CPED1: variants seen among roughly 807,000 people sequenced by gnomAD.
CPED1 encodes the protein cadherin like and PC-esterase domain containing 1.
Under a neutral mutation model 128.2 loss-of-function variants are expected in CPED1, and 114 were observed. The observed-to-expected ratio is 0.89, with a 90% CI of 0.76 to 1.04. The LOEUF (loss-of-function observed/expected upper bound fraction) is 1.04, where lower values mean the gene tolerates loss of function less well. Among genes scored for constraint, CPED1 ranks in the 50% least tolerant of loss-of-function variants. The pLI is 0.00. For missense variants in CPED1, 1,211 were observed against 1,207.1 expected, an observed-to-expected ratio of 1.00 and a Z score of -0.05; for synonymous variants, 462 against 426.7, an observed-to-expected ratio of 1.08 and a Z score of -1.02.
rs184165466 is a variant in CPED1 at position 121,013,399 on chromosome 7, A to G, written c.250-2266A>G. ...TCCCAAAGTAGCACATACAGAAGGT[A>G]TGATTAGCTACAGTTCTATTCTTTT... On this transcript the variant is annotated intron_variant, in intron 2 of 22. Transcript: ENST00000310396. 1.2e-4 allele frequency among the ~76,000 whole-genome samples: 18 copies of G among 152,344 alleles called. No individual in the cohort carries two copies. In the East Asian group the frequency reaches 3.1e-3, roughly 26 times the overall value.
intron 5 of CPED1, among the ~76,000 whole-genome samples, chr7:121,090,701 C>A (rs555206795): frequency 2.0e-5 from 3 of 152,286 alleles, no homozygotes; most frequent in Admixed American, 2.0e-4. Context: ...GTAATCCTAG[C>A]ACTTTGGGAG....
In CPED1 at chr7:121,295,931, C is replaced by T. The variant is rs1359157083; in HGVS notation, c.*279C>T. 9.8e-6 allele frequency: 3 copies of T among 306,204 alleles called. No individual in the cohort carries two copies. Among genetic ancestry groups the T allele is most frequent in the South Asian group, 5.8e-5 (1 of 17,378 alleles). The allele number at this position is 306,204 out of a possible 1,614,324, so 19.0% of individuals were successfully genotyped here. A position where few individuals can be genotyped will look rare whatever the true frequency, so the allele number is the denominator to read the frequency against. On this transcript the variant is annotated 3_prime_UTR_variant, in exon 23 of 23. Coordinates refer to ENST00000310396, the MANE Select transcript of CPED1 (RefSeq NM_024913.5). ...GAAGCATAATTATTAACCAGAACCA[C>T]TGTGGGCCAGGTATGGCATTGTGAT...
chr7:121,142,298 A>G (rs1795923911), intron 16 of CPED1, among the ~76,000 whole-genome samples, 157 bp downstream of exon 16: 1 of 152,070 alleles, frequency 6.6e-6, no homozygotes, highest in South Asian at 2.1e-4. Context: ...CAGGTATCTA[A>G]GTCACCTCGT....
intron 22 of CPED1, among the ~76,000 whole-genome samples, chr7:121,286,860 G>GACTCAT (rs2116782054): frequency 6.6e-6 from 1 of 152,248 alleles, no homozygotes; most frequent in East Asian, 1.9e-4. Context: ...ATTTATAAAG[G>GACTCAT]AAATAGGTTT....
intron 18 of CPED1, among the ~76,000 whole-genome samples, chr7:121,263,009 G>A (rs902129628): frequency 5.9e-5 from 9 of 152,000 alleles, no homozygotes; most frequent in Non-Finnish European, 1.2e-4. Context: ...GAATGGAAAG[G>A]CACTAGAATA....
chr7:121,063,462 C>G (rs949953449), intron 4 of CPED1, among the ~76,000 whole-genome samples: 4 of 147,788 alleles, frequency 2.7e-5, no homozygotes, highest in Non-Finnish European at 4.5e-5. Flanking sequence ...CCAGTTGCCT[C>G]TCTTCTCCAA....
At chr7:121,025,503 T>C (rs1328070440) in intron 3 of CPED1, among the ~76,000 whole-genome samples, 1 of 152,186 alleles carries the variant, frequency 6.6e-6, no homozygotes, top group East Asian at 1.9e-4. Context: ...AGGTAATTTC[T>C]CAGTTTCTTT....
At chr7:121,030,511 T>A (rs1437508417) in intron 3 of CPED1, among the ~76,000 whole-genome samples, 2 of 152,220 alleles carry the variant, frequency 1.3e-5, no homozygotes, top group African/African-American at 4.8e-5. Flanking sequence ...TTGTCTAACA[T>A]CTCCATGCTG....
rs370261243 is a variant in CPED1, at chr7:121,147,666, G to A, written c.2055+5525G>A. 1.8e-4 allele frequency among the ~76,000 whole-genome samples: 27 copies of A among 152,128 alleles called. 3 individuals are homozygous for A. The East Asian group carries it at 3.5e-3, about 20-fold the overall frequency. On this transcript the variant is annotated intron_variant, in intron 16 of 22. Coordinates refer to ENST00000310396, the MANE Select transcript of CPED1 (RefSeq NM_024913.5). ...ATCATATACATTTTGCCCTCAAAAT[G>A]TTGCACCAGAATAGGGTCATAAATA... is the stretch of plus-strand genomic sequence containing the variant.
At chr7:121,243,639 C>A (rs1474817995) in intron 17 of CPED1, among the ~76,000 whole-genome samples, 2 of 152,084 alleles carry the variant, frequency 1.3e-5, no homozygotes, top group African/African-American at 2.4e-5. Flanking sequence ...GAAATTCAGG[C>A]AACAGCTAGA....
At chr7:121,258,346 A>G (rs910116734) in intron 18 of CPED1, among the ~76,000 whole-genome samples, 1 of 152,084 alleles carries the variant, frequency 6.6e-6, no homozygotes, top group African/African-American at 2.4e-5. Context: ...AATGAGAGAA[A>G]CAATCATTGC....
intron 18 of CPED1, among the ~76,000 whole-genome samples, chr7:121,252,419 T>A (rs565165644): frequency 1.2e-3 from 184 of 151,790 alleles, no homozygotes; most frequent in African/African-American, 4.4e-3. Flanking sequence ...AAGGACTTCA[T>A]GTCTAAAACA....
intron 22 of CPED1, among the ~76,000 whole-genome samples, chr7:121,277,435 A>G (rs574344983): frequency 1.3e-5 from 2 of 152,240 alleles, no homozygotes; most frequent in South Asian, 2.1e-4. Flanking sequence ...AACCATGAAA[A>G]TAGATCATCC....
intron 16 of CPED1, among the ~76,000 whole-genome samples, chr7:121,163,202 C>T (rs925819257): frequency 1.1e-4 from 16 of 152,306 alleles, no homozygotes; most frequent in African/African-American, 3.4e-4. Context: ...AGATAACCAA[C>T]CTTCAATCAA....
At chr7:121,056,767 C>T (rs1284664642) in intron 4 of CPED1, among the ~76,000 whole-genome samples, 1 of 152,046 alleles carries the variant, frequency 6.6e-6, no homozygotes, top group Non-Finnish European at 1.5e-5. Context: ...TCTCTTTATA[C>T]CTGCTTCACT....
chr7:121,143,878 T>C (rs1239959133), intron 16 of CPED1, among the ~76,000 whole-genome samples: 1 of 151,976 alleles, frequency 6.6e-6, no homozygotes, highest in African/African-American at 2.4e-5. Context: ...CGTATTGGTT[T>C]TATTCATAGT....
In CPED1 at chr7:121,033,933, C is replaced by G. The variant is rs541288574; in HGVS notation, c.434-12954C>G. On this transcript the variant is annotated intron_variant, in intron 3 of 22. Transcript: ENST00000310396. Reference sequence around the variant, plus strand: ...TTCCTCTTAGACTTCTCACAATCCCCAATGCCTTATTATACAATGTTAACC... The same window carrying G: ...TTCCTCTTAGACTTCTCACAATCCCGAATGCCTTATTATACAATGTTAACC... 1.1e-4 allele frequency among the ~76,000 whole-genome samples: 16 copies of G among 152,246 alleles called. No individual in the cohort carries two copies. In the South Asian group the frequency reaches 1.5e-3, roughly 14 times the overall value.
intron 15 of CPED1, 91 bp from the exon 16 acceptor site, chr7:121,141,882 G>A (rs1213177568): frequency 2.2e-6 from 2 of 923,896 alleles, no homozygotes; most frequent in African/African-American, 1.6e-5. Flanking sequence ...TATTCAAATA[G>A]GTATTTAGTA....
chr7:121,056,641 T>G (rs1793505873), intron 4 of CPED1, among the ~76,000 whole-genome samples: 1 of 152,198 alleles, frequency 6.6e-6, no homozygotes, highest in Middle Eastern at 3.2e-3. Context: ...TTTTCAAATC[T>G]CCTCTGGGAT....
Sources: allele counts gnomAD v4.1 joint callset (sites outside exome capture counted in the v4.1 genomes callset), GRCh38; gene constraint gnomAD v4.1.1; transcripts MANE v1.5; gene names NCBI Gene and HGNC (gene_info 2026-07-23, HGNC 2026-07-21).